TG: variants seen among roughly 807,000 people sequenced by gnomAD.
TG encodes thyroid hormones.
A neutral mutation model predicts 324.7 loss-of-function variants in TG; 270 were observed. That is an observed-to-expected ratio of 0.83 (90% CI 0.75 to 0.92). TG has a LOEUF of 0.92. Ranked by LOEUF, TG falls within the 40% of genes least tolerant of loss-of-function variation. The probability of loss-of-function intolerance (pLI) is 0.00; values close to 1 mark genes in which losing one functional copy is unlikely to be tolerated. For missense variants in TG, 3,591 were observed against 3,456.4 expected (o/e 1.04, Z -0.98); for synonymous variants, 1,401 against 1,327.0 (o/e 1.06, Z -1.21).
chr8:133,061,795 ACAGGTT>A (rs1290832346), intron 41 of TG, among the ~76,000 whole-genome samples: 1 of 152,158 alleles, frequency 6.6e-6, no homozygotes, highest in Non-Finnish European at 1.5e-5. Flanking sequence ...CCCTATGTGT[ACAGGTT>A]CTGGAAAGAA....
intron 45 of TG, among the ~76,000 whole-genome samples, chr8:133,123,935 C>G (rs74679330): frequency 6.6e-6 from 1 of 152,254 alleles, no homozygotes; most frequent in African/African-American, 2.4e-5. Context: ...CAGACAGCCT[C>G]GCCTGTGGGC....
chr8:132,962,938 A>G (rs76745731), intron 28 of TG, 56 bp from the exon 29 acceptor site: 150,786 of 1,515,472 alleles, frequency 0.099, 8,108 homozygotes, highest in South Asian at 0.15. Context: ...TTTGTTGACC[A>G]GTGGAGTACT....
rs146491847 is a variant in TG, at chr8:133,095,139, A to G, written c.7335A>G (p.Ser2445=). ...CAAAGGAGGTCAGTTGCCCCATGTC[A>G]TCCAGCCAAGAAGTGGTGTCCTGCC... The part of the protein sequence containing the change: ...ALAKEVSCPM[S]SSQEVVSCLR... Residue 2445 remains serine, a synonymous_variant, in exon 42 of 48, where the codon TCA becomes TCG. Transcript: ENST00000220616. 9 of 1,614,230 alleles carry G rather than the reference A, an allele frequency of 5.6e-6. No individual in the cohort carries two copies. The highest frequency in any genetic ancestry group is 5.9e-6 in the Non-Finnish European group (7 of 1,180,030).
rs1248551540 is a variant in TG at position 133,132,089 on chromosome 8, G to A, written c.7997+143G>A. The A allele has an allele frequency of 3.1e-6, 4 of 1,309,828 alleles. No homozygotes were observed. The Admixed American group carries it at 6.9e-5, about 23-fold the overall frequency. 81.1% of individuals were successfully genotyped at this position (1,309,828 alleles called of 1,614,324 possible). ...ATAATCACCAGCCACTGGCCTCCCT[G>A]TCTCAGTCACCCCCTCCTAGCCAAA... On this transcript the variant is annotated intron_variant, in intron 46 of 47. Transcript: ENST00000220616.
At chr8:132,898,698 C>A in intron 13 of TG, 100 bp from the exon 14 acceptor site, 2 of 960,878 alleles carry the variant, frequency 2.1e-6, no homozygotes, top group Non-Finnish European at 3.3e-6. Flanking sequence ...CACCTGCATT[C>A]ACCCAGGCTC....
At chr8:132,886,398 T>A (rs1815427666) in intron 8 of TG, 50 bp from the exon 9 acceptor site, 3 of 1,612,090 alleles carry the variant, frequency 1.9e-6, no homozygotes, top group Non-Finnish European at 2.5e-6. Context: ...TGTCTCAGGA[T>A]TGCTTGTGAC....
chr8:132,913,568 C>T (rs192718113), intron 20 of TG, among the ~76,000 whole-genome samples: 65 of 152,250 alleles, frequency 4.3e-4, no homozygotes, highest in Admixed American at 3.5e-3. Flanking sequence ...GTATCCTGGG[C>T]GCACATTTCT....
intron 34 of TG, among the ~76,000 whole-genome samples, chr8:132,973,150 G>A (rs2222452): frequency 0.16 from 24,837 of 152,132 alleles, 2,553 homozygotes; most frequent in Middle Eastern, 0.31. Flanking sequence ...ACAGCTTGAC[G>A]GTCCTAACAA....
At chr8:133,011,756 G>C in intron 35 of TG, 145 bp from the exon 36 acceptor site, 1 of 971,570 alleles carries the variant, frequency 1.0e-6, no homozygotes, top group Non-Finnish European at 1.6e-6. Context: ...TGGAAAGATG[G>C]ATCAAGCTAT....
At chr8:133,069,996 A>G (rs1479888049) in intron 41 of TG, among the ~76,000 whole-genome samples, 1 of 108,360 alleles carries the variant, frequency 9.2e-6, no homozygotes, top group East Asian at 3.1e-4. Flanking sequence ...GCAAGGCTCC[A>G]GCTCCAAAAA....
At chr8:133,111,202 A>C (rs1301297590) in intron 43 of TG, among the ~76,000 whole-genome samples, 1 of 152,062 alleles carries the variant, frequency 6.6e-6, no homozygotes, top group African/African-American at 2.4e-5. Flanking sequence ...GGTCCTGCTT[A>C]AGTTATAACT....
chr8:133,132,879 C>T (rs1852049499), intron 46 of TG, among the ~76,000 whole-genome samples: 2 of 152,180 alleles, frequency 1.3e-5, no homozygotes, highest in African/African-American at 4.8e-5. Flanking sequence ...GAAGAAGACA[C>T]TTCCAGGAAA....
Position 132,971,775 on chromosome 8 carries a change from C to G in TG, c.5976-19C>G, listed in dbSNP as rs892310394. The stretch of plus-strand genomic sequence containing the variant: ...ACCAGTGAAAACCTTCAGGCCTGCT[C>G]TTTCTCTTCCTATGCCAGGTTCTTT... On this transcript the variant is annotated intron_variant, in intron 32 of 47. Transcript: ENST00000220616. 3 of 1,599,860 alleles carry G rather than the reference C, an allele frequency of 1.9e-6. No homozygotes were observed. Among genetic ancestry groups the G allele is most frequent in the Non-Finnish European group, 2.6e-6 (3 of 1,167,020 alleles).
chr8:133,106,555 C>CGGGGTCAGTGGAG, intron 43 of TG: 28 of 720,600 alleles, frequency 3.9e-5, no homozygotes, highest in Non-Finnish European at 4.8e-5. Flanking sequence ...CATCACTCCA[C>CGGGGTCAGTGGAG]TGACCCCGTG....
chr8:132,948,288 A>T (rs1825626268), intron 26 of TG, among the ~76,000 whole-genome samples: 1 of 151,832 alleles, frequency 6.6e-6, no homozygotes, highest in Admixed American at 6.6e-5. Flanking sequence ...AGCAAGAGCG[A>T]GAGTGAGCGA....
rs1563902105 is a variant in TG, at chr8:132,882,466, C to T, written c.746-3C>T. On this transcript the variant is annotated splice_region_variant and splice_polypyrimidine_tract_variant and intron_variant, in intron 6 of 47. Coordinates refer to ENST00000220616, the MANE Select transcript of TG (RefSeq NM_003235.5). ...CTCTGAAAGTCTTGCTGTCTTTGCT[C>T]AGGTTTGGAGTTGTTACTGGATGAA... is the stretch of plus-strand genomic sequence containing the variant. The T allele has an allele frequency of 1.9e-6, 3 of 1,614,190 alleles. No individual in the cohort carries two copies. Among genetic ancestry groups the T allele is most frequent in the East Asian group, 2.2e-5 (1 of 44,886 alleles).
intron 43 of TG, among the ~76,000 whole-genome samples, chr8:133,108,131 G>T (rs1292077261): frequency 6.6e-6 from 1 of 151,496 alleles, no homozygotes; most frequent in Non-Finnish European, 1.5e-5. Flanking sequence ...ACAGGTGTGT[G>T]CCACCACACC....
chr8:132,868,090 T>G (rs750110193), intron 1 of TG, 25 bp from the exon 2 acceptor site: 1 of 1,610,858 alleles, frequency 6.2e-7, no homozygotes, highest in Non-Finnish European at 8.5e-7. Context: ...CACTCTTCTT[T>G]GATGAACCAC....
intron 16 of TG, among the ~76,000 whole-genome samples, chr8:132,903,280 A>G (rs1447683994): frequency 6.6e-6 from 1 of 152,196 alleles, no homozygotes; most frequent in African/African-American, 2.4e-5. Flanking sequence ...AGGCTTCATC[A>G]TGGGTTTGAC....
Sources: gnomAD v4.1 joint callset for allele counts (sites outside exome capture counted in the v4.1 genomes callset) on GRCh38, gnomAD v4.1.1 for gene constraint, MANE v1.5 for transcripts, NCBI Gene and HGNC (gene_info 2026-07-23, HGNC 2026-07-21) for gene names.